CTBS: variants seen among roughly 807,000 people sequenced by gnomAD.
The protein encoded by CTBS is chitobiase, also known as di-N-acetylchitobiase.
In CTBS, 35 loss-of-function variants were observed where a neutral mutation model predicts 44.3. That is an observed-to-expected ratio of 0.79 (90% CI 0.60 to 1.05). The LOEUF is 1.05. Among genes scored for constraint, CTBS ranks in the 50% least tolerant of loss-of-function variants. CTBS has a pLI of 0.00. For synonymous variants in CTBS, 143 were observed against 168.0 expected (o/e 0.85, Z 1.15); for missense variants, 458 against 475.3 (o/e 0.96, Z 0.34).
intron 6 of CTBS, among the ~76,000 whole-genome samples, chr1:84,557,573 A>C (rs1371887306): frequency 7.3e-6 from 1 of 137,546 alleles, no homozygotes; most frequent in East Asian, 2.2e-4. Context: ...AAAAAGAAGG[A>C]GGCTGGGCGC....
chr1:84,567,266 T>G (rs1382109763), intron 3 of CTBS, among the ~76,000 whole-genome samples: 2 of 152,198 alleles, frequency 1.3e-5, no homozygotes, highest in Non-Finnish European at 2.9e-5. Flanking sequence ...AGTTATGAAA[T>G]AAAATTATTA....
intron 6 of CTBS, among the ~76,000 whole-genome samples, chr1:84,557,733 C>T (rs1325534852): frequency 1.3e-5 from 2 of 151,026 alleles, no homozygotes. Context: ...TGGCGGGCAC[C>T]TGTAGTCCCA....
rs1684247630 is a variant in CTBS, at chr1:84,550,790, G to A, written c.*4209C>T. 23 of 1,037,238 alleles carry A rather than the reference G, an allele frequency of 2.2e-5. No homozygotes were observed. The highest frequency in any genetic ancestry group is 2.6e-5 in the Non-Finnish European group (22 of 861,278). 64.3% of individuals were successfully genotyped at this position (1,037,238 alleles called of 1,614,324 possible). ...GGAAGAATTAAAGGAAAAGGAACCT[G>A]TGAGTCAATATATTCTCAAAAAAAA... is the stretch of plus-strand genomic sequence containing the variant. On this transcript the variant is annotated 3_prime_UTR_variant, in exon 7 of 7. Transcript: ENST00000370630.
At chr1:84,574,025 CACTT>C in intron 1 of CTBS, 3 of 1,407,488 alleles carry the variant, frequency 2.1e-6, no homozygotes, top group Non-Finnish European at 2.8e-6. Flanking sequence ...CCTACGCAGG[CACTT>C]ACAGGCTGTG....
In CTBS at chr1:84,550,334, C is replaced by G. The variant is rs1684233026; in HGVS notation, c.*4665G>C. 1 of 534,790 alleles carries G rather than the reference C, an allele frequency of 1.9e-6. No individual in the cohort carries two copies. Among genetic ancestry groups the G allele is most frequent in the Admixed American group, 4.3e-5 (1 of 23,426 alleles). 33.1% of individuals were successfully genotyped at this position (534,790 alleles called of 1,614,324 possible). On this transcript the variant is annotated 3_prime_UTR_variant, in exon 7 of 7. Coordinates refer to ENST00000370630, the MANE Select transcript of CTBS (RefSeq NM_004388.3). ...GAATAGGTTATTTTCATGATTTACT[C>G]TTTTGATCTTTATCATTTCATAGTT...
At chr1:84,562,521 T>C (rs1684614451) in intron 6 of CTBS, among the ~76,000 whole-genome samples, 2 of 152,238 alleles carry the variant, frequency 1.3e-5, no homozygotes, top group Admixed American at 6.5e-5. Flanking sequence ...ACTTCACTTA[T>C]ATCATTTTAG....
chr1:84,558,081 C>T (rs988933815), intron 6 of CTBS, among the ~76,000 whole-genome samples: 3 of 152,060 alleles, frequency 2.0e-5, no homozygotes, highest in African/African-American at 7.2e-5. Flanking sequence ...TACAAGAAAT[C>T]TACTGTATCC....
chr1:84,555,088 T>C lies in CTBS; in HGVS notation c.1069A>G (p.Asn357Asp), dbSNP rs2102014250. 2 of 1,614,032 alleles carry C rather than the reference T, an allele frequency of 1.2e-6. No homozygotes were observed. Among genetic ancestry groups the C allele is most frequent in the African/African-American group, 1.3e-5 (1 of 75,042 alleles). ...RLRGIGMWNA[N>D]CLDYSGDAVA... ...GCATCTCCAGAGTAGTCAAGACAGT[T>C]TGCATTCCACATGCCAATGCCCCGT... The change falls in exon 7 of 7, where the codon AAC (asparagine) becomes GAC (aspartate). Residue 357 changes from asparagine (N) to aspartate (D), a missense_variant. Transcript: ENST00000370630.
Position 84,565,840 on chromosome 1 carries a change from C to T in CTBS, c.697+1G>A. ...ATAAATGACCATGTTTAGAGTCTTA[C>T]CAGTTAATGTCTGATTATAGGGAGC... On this transcript the variant is annotated splice_donor_variant, in intron 4 of 6. Transcript: ENST00000370630. LOFTEE classifies it high-confidence loss of function. 2 of 1,498,808 alleles carry T rather than the reference C, an allele frequency of 1.3e-6. No homozygotes were observed. The highest frequency in any genetic ancestry group is 8.9e-7 in the Non-Finnish European group (1 of 1,123,008). The allele number at this position is 1,498,808 out of a possible 1,614,324, so 92.8% of individuals were successfully genotyped here.
chr1:84,549,794 TAA>T lies in CTBS; in HGVS notation c.*5203_*5204del, dbSNP rs1684215427. ...TTTAACTTTAGACAAGATGAAATAT[TAA>T]AAGTTTATTATTTTAAATAAATTTA... On this transcript the variant is annotated 3_prime_UTR_variant, in exon 7 of 7. Coordinates refer to ENST00000370630, the MANE Select transcript of CTBS (RefSeq NM_004388.3). The T allele has an allele frequency of 6.6e-6, 1 of 151,934 alleles. No homozygotes were observed. Among genetic ancestry groups the T allele is most frequent in the African/African-American group, 2.4e-5 (1 of 41,416 alleles). The allele number at this position is 151,934 out of a possible 1,614,324, so 9.4% of individuals were successfully genotyped here. A position where few individuals can be genotyped will look rare whatever the true frequency, so the allele number is the denominator to read the frequency against.
Position 84,554,995 on chromosome 1 carries a change from A to T in CTBS, c.*4T>A. On this transcript the variant is annotated 3_prime_UTR_variant, in exon 7 of 7. Coordinates refer to ENST00000370630, the MANE Select transcript of CTBS (RefSeq NM_004388.3). The stretch of plus-strand genomic sequence containing the variant: ...CTAACTCTTAATGGTTTGACAAAAG[A>T]TGTTCATCTCTGTAACAGCTTTGGC... The T allele has an allele frequency of 6.2e-7, 1 of 1,611,704 alleles. No individual in the cohort carries two copies. The highest frequency in any genetic ancestry group is 8.5e-7 in the Non-Finnish European group (1 of 1,178,278).
At chr1:84,570,867 T>G (rs1647281141) in intron 1 of CTBS, 147 bp from the exon 2 acceptor site, 3 of 672,952 alleles carry the variant, frequency 4.5e-6, no homozygotes, top group Admixed American at 3.5e-5. Context: ...CCCAAGATAA[T>G]TGGTGGCAGG....
At chr1:84,565,145 G>A (rs1014377715) in intron 4 of CTBS, among the ~76,000 whole-genome samples, 2 of 152,064 alleles carry the variant, frequency 1.3e-5, no homozygotes, top group African/African-American at 4.8e-5. Flanking sequence ...GCTGCAGTGA[G>A]CCCTGATCGT....
intron 3 of CTBS, 39 bp downstream of exon 3, chr1:84,569,892 G>T: frequency 6.6e-7 from 1 of 1,505,712 alleles, no homozygotes; most frequent in Non-Finnish European, 9.2e-7. Context: ...ATTCTGATAT[G>T]GAAAATATGA....
intron 6 of CTBS, among the ~76,000 whole-genome samples, 181 bp from the exon 7 acceptor site, chr1:84,555,380 A>G (rs1684397912): frequency 6.6e-6 from 1 of 152,218 alleles, no homozygotes; most frequent in South Asian, 2.1e-4. Flanking sequence ...CTATTCTATA[A>G]TTCCATGGTT....
chr1:84,555,061 C>T lies in CTBS; in HGVS notation c.1096G>A (p.Val366Ile). ...ANCLDYSGDAVAKQQTEEMWE... is the reference protein window; with the variant it reads ...ANCLDYSGDAIAKQQTEEMWE... ...ATTTCTTCAGTTTGCTGTTTGGCTA[C>T]AGCATCTCCAGAGTAGTCAAGACAG... Residue 366 changes from valine to isoleucine, a missense_variant, in exon 7 of 7, where the codon GTA (valine) becomes ATA (isoleucine). Transcript: ENST00000370630. 1 of 1,614,030 alleles carries T rather than the reference C, an allele frequency of 6.2e-7. No individual in the cohort carries two copies. The highest frequency in any genetic ancestry group is 8.5e-7 in the Non-Finnish European group (1 of 1,179,980).
chr1:84,571,688 C>G (rs1249078023), intron 1 of CTBS, among the ~76,000 whole-genome samples: 1 of 152,010 alleles, frequency 6.6e-6, no homozygotes. Context: ...TGAGAGAGAC[C>G]AGGTCCAGTA....
chr1:84,571,884 T>C (rs1217406388), intron 1 of CTBS, among the ~76,000 whole-genome samples: 1 of 152,140 alleles, frequency 6.6e-6, no homozygotes, highest in Non-Finnish European at 1.5e-5. Context: ...AAAGATTGCA[T>C]TCTCAACTGA....
In CTBS at chr1:84,565,991, A is replaced by G; in HGVS notation, c.547T>C (p.Ser183Pro). The G allele has an allele frequency of 6.4e-7, 1 of 1,562,566 alleles. No individual in the cohort carries two copies. Among genetic ancestry groups the G allele is most frequent in the Non-Finnish European group, 8.7e-7 (1 of 1,155,602 alleles). The change falls in exon 4 of 7, where the codon TCT (serine) becomes CCT (proline). Residue 183 changes from serine to proline, a missense_variant. Coordinates refer to ENST00000370630, the MANE Select transcript of CTBS (RefSeq NM_004388.3). ...GSQVTFDVAW[S>P]PKNIDRRCYN... ...CATCTTCTGTCTATGTTCTTTGGAG[A>G]CCAAGCTACATCAAAGGTTACCTGT...
Sources: gnomAD v4.1 joint callset for allele counts (sites outside exome capture counted in the v4.1 genomes callset) on GRCh38, gnomAD v4.1.1 for gene constraint, MANE v1.5 for transcripts, NCBI Gene and HGNC (gene_info 2026-07-23, HGNC 2026-07-21) for gene names.